The following RAB21 variants were observed in gnomAD, a reference collection of about 807,000 sequenced individuals.
RAB21 encodes ras-related protein Rab-21.
A neutral mutation model predicts 33.1 loss-of-function variants in RAB21; 13 were observed. The ratio of observed to expected loss-of-function variants is 0.39; its 90% CI spans 0.26 to 0.62. RAB21 has a LOEUF of 0.62. Among genes scored for constraint, RAB21 ranks in the 20% least tolerant of loss-of-function variants. The pLI, the probability that RAB21 is intolerant of heterozygous loss-of-function variation, is 0.48. For synonymous variants in RAB21, 91 were observed against 103.7 expected, an observed-to-expected ratio of 0.88 and a Z score of 0.74; for missense variants, 234 against 279.1, an observed-to-expected ratio of 0.84 and a Z score of 1.15.
At chr12:71,767,258 A>T (rs548986592) in intron 1 of RAB21, among the ~76,000 whole-genome samples, 8 of 152,242 alleles carry the variant, frequency 5.3e-5, no homozygotes, top group Non-Finnish European at 1.2e-4. Flanking sequence ...GAGACTTAAT[A>T]CCGTCCTTTA....
intron 4 of RAB21, among the ~76,000 whole-genome samples, chr12:71,778,503 AC>A (rs1883152707): frequency 6.6e-6 from 1 of 152,138 alleles, no homozygotes; most frequent in Non-Finnish European, 1.5e-5. Flanking sequence ...TTAGAAGTAG[AC>A]CTGGGATTTT....
intron 3 of RAB21, among the ~76,000 whole-genome samples, chr12:71,773,485 T>C (rs547603945): frequency 6.6e-6 from 1 of 151,500 alleles, no homozygotes; most frequent in East Asian, 2.0e-4. Flanking sequence ...TTTAGCACTC[T>C]AATTTTTTTT....
rs1883321251 is a variant in RAB21 at position 71,788,053 on chromosome 12, G to A, written c.*2380G>A. ...TAGGGCCAGCTACTTGGGAGAGTGA[G>A]GCAGGAGGATCACTTGAGGCCAGGA... On this transcript the variant is annotated 3_prime_UTR_variant, in exon 7 of 7. Coordinates refer to ENST00000261263, the MANE Select transcript of RAB21 (RefSeq NM_014999.4). 6.6e-6 allele frequency: 1 copy of A among 152,188 alleles called. No individual in the cohort carries two copies. The highest frequency in any genetic ancestry group is 1.5e-5 in the Non-Finnish European group (1 of 68,036). 9.4% of individuals were successfully genotyped at this position (152,188 alleles called of 1,614,324 possible).
intron 1 of RAB21, among the ~76,000 whole-genome samples, chr12:71,766,323 T>C (rs11178939): frequency 0.16 from 23,736 of 152,090 alleles, 2,333 homozygotes; most frequent in East Asian, 0.32. Context: ...ATAGTAGTTA[T>C]AATTAATATC....
Position 71,791,456 on chromosome 12 carries a change from A to G in RAB21, c.*5783A>G, listed in dbSNP as rs1883381791. 1 of 152,226 alleles carries G rather than the reference A, an allele frequency of 6.6e-6. No homozygotes were observed. Among genetic ancestry groups the G allele is most frequent in the African/African-American group, 2.4e-5 (1 of 41,454 alleles). 9.4% of individuals were successfully genotyped at this position (152,226 alleles called of 1,614,324 possible). A position where few individuals can be genotyped will look rare whatever the true frequency, so the allele number is the denominator to read the frequency against. On this transcript the variant is annotated 3_prime_UTR_variant, in exon 7 of 7. Coordinates refer to ENST00000261263, the MANE Select transcript of RAB21 (RefSeq NM_014999.4). Reference sequence around the variant, plus strand: ...ATAAAATCTAGGAGTTAACTTTAGCAGATTCTTTTATCAGAATACGTTTTT... The same window carrying G: ...ATAAAATCTAGGAGTTAACTTTAGCGGATTCTTTTATCAGAATACGTTTTT...
At chr12:71,761,841 A>G (rs1419436128) in intron 1 of RAB21, among the ~76,000 whole-genome samples, 1 of 152,104 alleles carries the variant, frequency 6.6e-6, no homozygotes, top group Non-Finnish European at 1.5e-5. Context: ...AACACTTGGC[A>G]TTCAGGTTGT....
In RAB21 at chr12:71,789,086, T is replaced by C. The variant is rs1451953921; in HGVS notation, c.*3413T>C. 1 of 151,980 alleles carries C rather than the reference T, an allele frequency of 6.6e-6. No homozygotes were observed. The highest frequency in any genetic ancestry group is 2.4e-5 in the African/African-American group (1 of 41,404). The allele number at this position is 151,980 out of a possible 1,614,324, so 9.4% of individuals were successfully genotyped here. On this transcript the variant is annotated 3_prime_UTR_variant, in exon 7 of 7. Transcript: ENST00000261263. ...GAAGAAGAAGAGTAGTACTTCACTTTTAGGTTTTTAGTAGTGAAAGATAAA... is the reference window on the plus strand; with the variant it reads ...GAAGAAGAAGAGTAGTACTTCACTTCTAGGTTTTTAGTAGTGAAAGATAAA...
Position 71,789,452 on chromosome 12 carries a change from T to C in RAB21, c.*3779T>C, listed in dbSNP as rs911317140. 1 of 152,286 alleles carries C rather than the reference T, an allele frequency of 6.6e-6. No homozygotes were observed. Among genetic ancestry groups the C allele is most frequent in the South Asian group, 2.1e-4 (1 of 4,830 alleles). 9.4% of individuals were successfully genotyped at this position (152,286 alleles called of 1,614,324 possible). On this transcript the variant is annotated 3_prime_UTR_variant, in exon 7 of 7. Coordinates refer to ENST00000261263, the MANE Select transcript of RAB21 (RefSeq NM_014999.4). Reference sequence around the variant, plus strand: ...GTAGTTTGATCTGTGCCTTTAACTTTTAGAATTCATCTTTTGACTTGTTTG... The same window carrying C: ...GTAGTTTGATCTGTGCCTTTAACTTCTAGAATTCATCTTTTGACTTGTTTG...
chr12:71,778,008 A>G (rs896318065), intron 4 of RAB21, among the ~76,000 whole-genome samples: 3 of 152,216 alleles, frequency 2.0e-5, no homozygotes, highest in African/African-American at 7.2e-5. Flanking sequence ...ATTGCTATTC[A>G]GCCAGATGTT....
intron 1 of RAB21, among the ~76,000 whole-genome samples, chr12:71,761,725 A>G (rs1371599878): frequency 2.0e-5 from 3 of 152,126 alleles, no homozygotes; most frequent in Admixed American, 6.5e-5. Context: ...TAGAAATGGT[A>G]TGGCTTTTTT....
At chr12:71,777,142 G>A (rs565266782) in intron 4 of RAB21, among the ~76,000 whole-genome samples, 3 of 152,206 alleles carry the variant, frequency 2.0e-5, no homozygotes, top group South Asian at 4.2e-4. Flanking sequence ...AATGAAAATT[G>A]CACGGTGTAA....
intron 1 of RAB21, among the ~76,000 whole-genome samples, chr12:71,762,337 G>A (rs374829293): frequency 1.3e-5 from 2 of 151,876 alleles, no homozygotes; most frequent in Non-Finnish European, 1.5e-5. Context: ...ACGGAGTCTC[G>A]CTCTGTCGCC....
rs200338487 is a variant in RAB21, at chr12:71,762,286, G to GGTTTTGTTTTGTTTT, written c.159+7019_159+7033dup. Reference sequence around the variant, plus strand: ...TGAAAATATTCAAGCACCTAGCTTAGGTTTTGTTTTGTTTTGTTTTGTTTT... The same window carrying GGTTTTGTTTTGTTTT: ...TGAAAATATTCAAGCACCTAGCTTAGGTTTTGTTTTGTTTTGTTTTGTTTTGTTTTGTTTTGTTTT... On this transcript the variant is annotated intron_variant, in intron 1 of 6. Transcript: ENST00000261263. Among the ~76,000 whole-genome samples the GGTTTTGTTTTGTTTT allele has an allele frequency of 9.9e-5, 15 of 151,344 alleles. 1 individual carries two copies. In the South Asian group the frequency reaches 1.3e-3, roughly 13 times the overall value.
At chr12:71,773,723 T>C (rs1170808859) in intron 3 of RAB21, among the ~76,000 whole-genome samples, 4 of 152,226 alleles carry the variant, frequency 2.6e-5, no homozygotes, top group Non-Finnish European at 5.9e-5. Context: ...GGAAGACTGA[T>C]GCAAATTTAT....
At position 71,755,270 on chromosome 12, in the gene RAB21, G is replaced by A; in HGVS notation, c.141G>A (p.Lys47=). ...ACTGCGAGAACAAGTTTAACGACAA[G>A]CACATCACCACTCTGCAGGTGCGGA... ...LRYCENKFND[K]HITTLQASFL... Residue 47 remains lysine, a synonymous_variant, in exon 1 of 7, where the codon AAG becomes AAA. Transcript: ENST00000261263. 2 of 1,537,032 alleles carry A rather than the reference G, an allele frequency of 1.3e-6. No homozygotes were observed. The highest frequency in any genetic ancestry group is 2.5e-5 in the South Asian group (2 of 80,376).
intron 1 of RAB21, 146 bp from the exon 2 acceptor site, chr12:71,769,654 A>G (rs773208015): frequency 5.0e-6 from 2 of 402,956 alleles, no homozygotes; most frequent in Non-Finnish European, 8.9e-6. Flanking sequence ...CTTTAATGAA[A>G]CAATTTCGAT....
chr12:71,762,731 C>T (rs908554951), intron 1 of RAB21, among the ~76,000 whole-genome samples: 5 of 152,038 alleles, frequency 3.3e-5, no homozygotes, highest in Non-Finnish European at 7.4e-5. Flanking sequence ...TACAGGCGCC[C>T]ACCATCACGC....
chr12:71,784,965 T>G lies in RAB21; in HGVS notation c.536-566T>G, dbSNP rs375869248. On this transcript the variant is annotated intron_variant, in intron 6 of 6. Coordinates refer to ENST00000261263, the MANE Select transcript of RAB21 (RefSeq NM_014999.4). ...AAACTCAGCCAGGCATGGTGTTGCA[T>G]ACCTGTAATTCCAGCTACTCAGGGA... 6.0e-5 allele frequency among the ~76,000 whole-genome samples: 9 copies of G among 150,442 alleles called. No individual in the cohort carries two copies. In the South Asian group the frequency reaches 1.9e-3, roughly 32 times the overall value.
chr12:71,756,750 A>G (rs1335484522), intron 1 of RAB21, among the ~76,000 whole-genome samples: 2 of 152,222 alleles, frequency 1.3e-5, no homozygotes, highest in African/African-American at 4.8e-5. Flanking sequence ...ATCATTTGGA[A>G]GTTTAGAGAT....
Sources: allele counts gnomAD v4.1 joint callset (sites outside exome capture counted in the v4.1 genomes callset), GRCh38; gene constraint gnomAD v4.1.1; transcripts MANE v1.5; gene names NCBI Gene and HGNC (gene_info 2026-07-23, HGNC 2026-07-21).